RASA3: variants seen among roughly 807,000 people sequenced by gnomAD.
The protein encoded by RASA3 is ras GTPase-activating protein 3.
A neutral mutation model predicts 110.0 loss-of-function variants in RASA3; 73 were observed. That is an observed-to-expected ratio of 0.66 (90% CI 0.55 to 0.81). RASA3 has a LOEUF of 0.81. Among genes scored for constraint, RASA3 ranks in the 30% least tolerant of loss-of-function variants. The pLI is 0.00. For missense variants in RASA3, 976 were observed against 1,113.2 expected, an observed-to-expected ratio of 0.88 and a Z score of 1.75; for synonymous variants, 500 against 451.4, an observed-to-expected ratio of 1.11 and a Z score of -1.37.
chr13:114,016,316 G>T, intron 12 of RASA3, 45 bp from the exon 13 acceptor site: 2 of 1,416,368 alleles, frequency 1.4e-6, no homozygotes, highest in South Asian at 1.1e-5. Context: ...GGTTCTGGGG[G>T]CACAGGCAGG....
At chr13:114,104,327 A>G (rs1412104207) in intron 1 of RASA3, among the ~76,000 whole-genome samples, 136 of 107,032 alleles carry the variant, frequency 1.3e-3, no homozygotes, top group African/African-American at 5.0e-3. Context: ...ATGCGTCCAC[A>G]CTGCCGCCGG....
chr13:114,083,424 G>A lies in RASA3; in HGVS notation c.56-9587C>T, dbSNP rs140408638. Among the ~76,000 whole-genome samples the A allele has an allele frequency of 4.6e-5, 7 of 152,342 alleles. No homozygotes were observed. In the East Asian group the frequency reaches 7.7e-4, roughly 17 times the overall value. ...GCCAGAGAGAGGAGAGCAGGGCCCC[G>A]TTCAGAGGCACCCACACCTCCAGAA... On this transcript the variant is annotated intron_variant, in intron 1 of 23. Coordinates refer to ENST00000334062, the MANE Select transcript of RASA3 (RefSeq NM_007368.4).
chr13:114,002,051 C>T (rs116993572), intron 18 of RASA3, among the ~76,000 whole-genome samples: 1 of 152,360 alleles, frequency 6.6e-6, no homozygotes, highest in East Asian at 1.9e-4. Context: ...TGAGGCTCGG[C>T]CTTCATTGCC....
Position 114,125,245 on chromosome 13 carries a change from G to A in RASA3, c.55+7190C>T, listed in dbSNP as rs140466932. The stretch of plus-strand genomic sequence containing the variant: ...CCGTTTCAGTTGGCGATTACTCATT[G>A]GGCTGTTCTTGCATTGCTATAAAGA... On this transcript the variant is annotated intron_variant, in intron 1 of 23. Transcript: ENST00000334062. Among the ~76,000 whole-genome samples the A allele has an allele frequency of 4.0e-3, 603 of 152,248 alleles. 3 individuals carry two copies. The highest frequency in any genetic ancestry group is 0.014 in the African/African-American group (575 of 41,540).
intron 4 of RASA3, among the ~76,000 whole-genome samples, chr13:114,039,968 G>A (rs745306263): frequency 2.6e-5 from 4 of 152,208 alleles, no homozygotes; most frequent in South Asian, 2.1e-4. Context: ...TCTTGGTGCC[G>A]CGTGCCAGGC....
chr13:114,024,812 C>A (rs1485748448), intron 7 of RASA3, among the ~76,000 whole-genome samples: 5 of 152,248 alleles, frequency 3.3e-5, no homozygotes, highest in Admixed American at 2.6e-4. Flanking sequence ...GGAGCCTGAA[C>A]CTGGCCGGCC....
At chr13:114,042,212 C>T (rs940489787) in intron 3 of RASA3, among the ~76,000 whole-genome samples, 4 of 152,342 alleles carry the variant, frequency 2.6e-5, no homozygotes, top group Admixed American at 6.5e-5. Flanking sequence ...GCTTGTCAGG[C>T]GCTGGGCACC....
intron 3 of RASA3, among the ~76,000 whole-genome samples, chr13:114,041,421 T>A (rs372706376): frequency 5.2e-5 from 8 of 152,388 alleles, no homozygotes; most frequent in African/African-American, 1.9e-4. Context: ...CTCCACTGTG[T>A]CCCTTCCAGT....
intron 1 of RASA3, among the ~76,000 whole-genome samples, chr13:114,097,656 C>T (rs758065219): frequency 3.9e-5 from 6 of 152,234 alleles, no homozygotes; most frequent in Admixed American, 6.5e-5. Context: ...CAAAGGCTGC[C>T]GTCCTTCTCC....
chr13:114,072,829 G>A (rs1158666472), intron 2 of RASA3, among the ~76,000 whole-genome samples: 4 of 152,176 alleles, frequency 2.6e-5, no homozygotes, highest in Non-Finnish European at 5.9e-5. Context: ...CTCTACACGC[G>A]GGAAAATAGG....
At chr13:114,005,595 C>T (rs2053497095) in intron 18 of RASA3, among the ~76,000 whole-genome samples, 2 of 152,170 alleles carry the variant, frequency 1.3e-5, no homozygotes, top group African/African-American at 2.4e-5. Flanking sequence ...GAGGGAAGGC[C>T]AGCCCCAAGT....
chr13:114,075,593 GCCGGCAGGACGAAGCCTCCCGTGTCCGCA>G lies in RASA3; in HGVS notation c.56-1785_56-1757del, dbSNP rs2079659804. ...GCCGCGTATCTCTGCGTGTGGAGGC[GCCGGCAGGACGAAGCCTCCCGTGTCCGCA>G]CCGCGTATCTCTGCGTGTGGAGGCG... On this transcript the variant is annotated intron_variant, in intron 1 of 23. Transcript: ENST00000334062. Among the ~76,000 whole-genome samples the G allele has an allele frequency of 9.7e-5, 5 of 51,330 alleles. No homozygotes were observed. In the East Asian group the frequency reaches 2.1e-3, roughly 22 times the overall value. The allele number at this position is 51,330 out of a possible 152,430, so 33.7% of individuals were successfully genotyped here.
intron 2 of RASA3, among the ~76,000 whole-genome samples, chr13:114,052,620 G>A (rs2079163217): frequency 6.6e-6 from 1 of 152,200 alleles, no homozygotes; most frequent in Non-Finnish European, 1.5e-5. Context: ...CTGCCCAGCC[G>A]CCCTCACTCC....
chr13:113,990,535 T>C (rs1454702058), intron 22 of RASA3, among the ~76,000 whole-genome samples: 1 of 152,218 alleles, frequency 6.6e-6, no homozygotes, highest in African/African-American at 2.4e-5. Context: ...GTTCCTGCTA[T>C]GAGAGGGCTG....
At chr13:114,060,950 C>T (rs1386870328) in intron 2 of RASA3, among the ~76,000 whole-genome samples, 1 of 148,186 alleles carries the variant, frequency 6.7e-6, no homozygotes, top group Admixed American at 6.6e-5. Context: ...CAGACGGAGC[C>T]CCCCACAGCC....
Position 113,996,685 on chromosome 13 carries a change from C to A in RASA3, c.1987G>T (p.Val663Leu). The A allele has an allele frequency of 1.2e-6, 2 of 1,613,840 alleles. No individual in the cohort carries two copies. The highest frequency in any genetic ancestry group is 1.7e-6 in the Non-Finnish European group (2 of 1,180,028). ...ATGTCGATCCAGTCCTTGGCCTCCA[C>A]GCAGTTGTTGGCCTGGATGTACAGC... is the stretch of plus-strand genomic sequence containing the variant. ...RALYIQANNC[V>L]EAKDWIDILT... Residue 663 changes from valine to leucine, a missense_variant, in exon 21 of 24, where the codon GTG (valine) becomes TTG (leucine). Around this residue, in one of 4 missense-constraint regions of RASA3, gnomAD observed 109 missense variants for 162.5 expected, o/e 0.67. Transcript: ENST00000334062.
rs758465535 is a variant in RASA3, at chr13:114,041,094, C to T, written c.278G>A (p.Gly93Glu). The change falls in exon 4 of 24, where the codon GGG (glycine) becomes GAG (glutamate). Residue 93 changes from glycine (G) to glutamate (E), a missense_variant and splice_region_variant. By Grantham distance (98) the Gly-to-Glu change is moderately conservative. Around this residue, in one of 4 missense-constraint regions of RASA3, gnomAD observed 732 missense variants for 779.7 expected, o/e 0.94. Coordinates refer to ENST00000334062, the MANE Select transcript of RASA3 (RefSeq NM_007368.4). ...GTCCTCCTTCTGGATGGCCACCTTC[C>T]CTGCAACACAAGCAGAGAAGACTTC... is the stretch of plus-strand genomic sequence containing the variant. ...RDVFRRDSII[G>E]KVAIQKEDLQ... 2 of 1,613,260 alleles carry T rather than the reference C, an allele frequency of 1.2e-6. No homozygotes were observed. Among genetic ancestry groups the T allele is most frequent in the Non-Finnish European group, 1.7e-6 (2 of 1,179,584 alleles).
chr13:114,057,489 AG>A lies in RASA3; in HGVS notation c.174-5335del. 1.0e-6 allele frequency: 1 copy of A among 985,408 alleles called. No homozygotes were observed. Among genetic ancestry groups the A allele is most frequent in the Non-Finnish European group, 1.2e-6 (1 of 829,924 alleles). The allele number at this position is 985,408 out of a possible 1,614,324, so 61.0% of individuals were successfully genotyped here. A position where few individuals can be genotyped will look rare whatever the true frequency, so the allele number is the denominator to read the frequency against. ...GGAGCCAGTCTCTGTGCCAGAATAG[AG>A]GGTTCGTTCAGCTTCTTAGACCGAT... On this transcript the variant is annotated intron_variant, in intron 2 of 23. Transcript: ENST00000334062. The surrounding 1 kb of genome is among the most constrained non-coding windows in gnomAD (Gnocchi z 5.0).
intron 17 of RASA3, among the ~76,000 whole-genome samples, chr13:114,008,309 C>G (rs1448899219): frequency 3.5e-5 from 2 of 56,802 alleles, no homozygotes; most frequent in Non-Finnish European, 6.3e-5. Context: ...CAGAGCCCTG[C>G]GGTCTGGATG....
Sources: gnomAD v4.1 joint callset for allele counts (sites outside exome capture counted in the v4.1 genomes callset) on GRCh38, gnomAD v4.1.1 for gene constraint, gnomAD v4.1.1 regional missense constraint, Gnocchi (gnomAD v3.1) non-coding constraint, MANE v1.5 for transcripts, NCBI Gene and HGNC (gene_info 2026-07-23, HGNC 2026-07-21) for gene names.